Variants in NOS1 observed in about 807,000 individuals in gnomAD.
NOS1 encodes nitric oxide synthase 1, also known as NOS type I.
NOS1 carries 51 observed loss-of-function variants against 164.5 expected under a neutral mutation model. The observed-to-expected ratio is 0.31, with a 90% CI of 0.25 to 0.39. The LOEUF (loss-of-function observed/expected upper bound fraction) is 0.39, where lower values mean the gene tolerates loss of function less well. Ranked by LOEUF, NOS1 falls within the 10% of genes least tolerant of loss-of-function variation. The pLI, the probability that NOS1 is intolerant of heterozygous loss-of-function variation, is 1.00. For synonymous variants in NOS1, 719 were observed against 745.8 expected, an observed-to-expected ratio of 0.96 and a Z score of 0.59; for missense variants, 1,362 against 1,885.6, an observed-to-expected ratio of 0.72 and a Z score of 5.14.
At chr12:117,329,508 G>C (rs1462026338) in intron 2 of NOS1, among the ~76,000 whole-genome samples, 2 of 152,084 alleles carry the variant, frequency 1.3e-5, no homozygotes, top group Non-Finnish European at 2.9e-5. Flanking sequence ...TGTAACGTCA[G>C]TGCCAGACCT....
chr12:117,339,475 C>A (rs539626843), intron 1 of NOS1, among the ~76,000 whole-genome samples: 7 of 152,342 alleles, frequency 4.6e-5, no homozygotes, highest in African/African-American at 9.6e-5. Flanking sequence ...CAATATCTAC[C>A]TCCAAATTTA....
At chr12:117,322,171 TTTCC>T (rs1304167617) in intron 2 of NOS1, among the ~76,000 whole-genome samples, 2 of 107,492 alleles carry the variant, frequency 1.9e-5, no homozygotes. Flanking sequence ...CTTCCTTCTT[TTTCC>T]TTCCTTCTCT....
chr12:117,298,374 C>A (rs1389452884), intron 3 of NOS1, among the ~76,000 whole-genome samples: 1 of 152,140 alleles, frequency 6.6e-6, no homozygotes, highest in African/African-American at 2.4e-5. Context: ...ACAGATGAAG[C>A]TTCACTTGCT....
chr12:117,236,952 G>T lies in NOS1; in HGVS notation c.3042-2194C>A, dbSNP rs544196453. Among the ~76,000 whole-genome samples, 6 of 152,158 alleles carry T rather than the reference G, an allele frequency of 3.9e-5. No individual in the cohort carries two copies. The East Asian group carries it at 7.7e-4, about 20-fold the overall frequency. ...GGCCCAGGCTCTGGCCCTGCTGGGA[G>T]TTTAACCAAGGGGACTGACTCTGCA... On this transcript the variant is annotated intron_variant, in intron 20 of 28. Coordinates refer to ENST00000317775, the MANE Select transcript of NOS1 (RefSeq NM_000620.5).
intron 1 of NOS1, among the ~76,000 whole-genome samples, chr12:117,358,974 C>T (rs937637414): frequency 3.3e-5 from 5 of 152,228 alleles, no homozygotes; most frequent in African/African-American, 4.8e-5. Flanking sequence ...GTTGAGGTCT[C>T]GGGTAGTGCC....
chr12:117,328,779 G>T (rs984131159), intron 2 of NOS1, among the ~76,000 whole-genome samples: 1 of 152,130 alleles, frequency 6.6e-6, no homozygotes, highest in Admixed American at 6.5e-5. Context: ...CCTAACAGAC[G>T]GTCATGCATC....
rs1466057433 is a variant in NOS1 at position 117,213,509 on chromosome 12, G to A, written c.*1800C>T. 4 of 985,360 alleles carry A rather than the reference G, an allele frequency of 4.1e-6. No homozygotes were observed. Among genetic ancestry groups the A allele is most frequent in the African/African-American group, 3.5e-5 (2 of 57,240 alleles). 61.0% of individuals were successfully genotyped at this position (985,360 alleles called of 1,614,324 possible). On this transcript the variant is annotated 3_prime_UTR_variant, in exon 29 of 29. Transcript: ENST00000317775. ...AACAGGACACCGGTGGGGGCTGCCA[G>A]GGATGGCAGAGCAAGGTGAGTCATA...
chr12:117,208,530 C>T lies in NOS1; in HGVS notation c.*6779G>A, dbSNP rs2135904908. 8.2e-7 allele frequency: 1 copy of T among 1,222,550 alleles called. No individual in the cohort carries two copies. The highest frequency in any genetic ancestry group is 1.4e-5 in the South Asian group (1 of 70,426). The allele number at this position is 1,222,550 out of a possible 1,614,324, so 75.7% of individuals were successfully genotyped here. A position where few individuals can be genotyped will look rare whatever the true frequency, so the allele number is the denominator to read the frequency against. On this transcript the variant is annotated 3_prime_UTR_variant, in exon 29 of 29. Coordinates refer to ENST00000317775, the MANE Select transcript of NOS1 (RefSeq NM_000620.5). ...CTTTGGGCCTTCTGGAAAACCACTG[C>T]TGAGCCAGGAGTGTGAGTCTTAACA...
rs927058656 is a variant in NOS1, at chr12:117,210,868, C to T, written c.*4441G>A. The T allele has an allele frequency of 3.8e-5, 37 of 985,228 alleles. No individual in the cohort carries two copies. The highest frequency in any genetic ancestry group is 4.5e-5 in the Non-Finnish European group (37 of 829,866). The allele number at this position is 985,228 out of a possible 1,614,324, so 61.0% of individuals were successfully genotyped here. On this transcript the variant is annotated 3_prime_UTR_variant, in exon 29 of 29. Coordinates refer to ENST00000317775, the MANE Select transcript of NOS1 (RefSeq NM_000620.5). ...TTGACTCCAGAGAAGCTGACTATCACATCAGCTCTGAAAACTCATCTTTTC... is the reference window on the plus strand; with the variant it reads ...TTGACTCCAGAGAAGCTGACTATCATATCAGCTCTGAAAACTCATCTTTTC...
intron 21 of NOS1, among the ~76,000 whole-genome samples, chr12:117,233,369 T>A (rs1386155313): frequency 6.6e-6 from 1 of 151,784 alleles, no homozygotes. Flanking sequence ...CTAATTTTTG[T>A]ATTTTTTTTG....
chr12:117,322,177 T>A (rs1451185229), intron 2 of NOS1, among the ~76,000 whole-genome samples: 1 of 121,014 alleles, frequency 8.3e-6, no homozygotes. Context: ...TCTTTTTCCT[T>A]CCTTCTCTCC....
chr12:117,233,013 G>A (rs1869384607), intron 21 of NOS1, among the ~76,000 whole-genome samples: 1 of 148,032 alleles, frequency 6.8e-6, no homozygotes, highest in African/African-American at 2.5e-5. Context: ...GACTACAGAC[G>A]TGTGCCATCA....
At chr12:117,274,436 C>T (rs201853756) in intron 9 of NOS1, among the ~76,000 whole-genome samples, 9 of 152,028 alleles carry the variant, frequency 5.9e-5, no homozygotes, top group African/African-American at 1.2e-4. Flanking sequence ...AGAACTACCA[C>T]GAGATCCAGC....
Position 117,227,446 on chromosome 12 carries a change from A to C in NOS1, c.3601T>G (p.Ser1201Ala). Reference sequence around the variant, plus strand: ...CTCCGCCCACCTCGAGTGCGGTAGGAAACGATGGCCACAGTGAGGTGCACT... The same window carrying C: ...CTCCGCCCACCTCGAGTGCGGTAGGCAACGATGGCCACAGTGAGGTGCACT... ...DEVHLTVAIV[S>A]YRTRDGEGPI... is the part of the protein sequence containing the mutation. Residue 1201 changes from serine to alanine, a missense_variant, in exon 23 of 29, where the codon TCC (serine) becomes GCC (alanine). Physicochemically the swap from Ser to Ala is moderately conservative, Grantham distance 99 (BLOSUM62 1). Around this residue, in one of 4 missense-constraint regions of NOS1, gnomAD observed 737 missense variants for 1,030.3 expected, o/e 0.72. Transcript: ENST00000317775. 1 of 1,613,908 alleles carries C rather than the reference A, an allele frequency of 6.2e-7. No homozygotes were observed. Among genetic ancestry groups the C allele is most frequent in the Non-Finnish European group, 8.5e-7 (1 of 1,180,002 alleles).
intron 1 of NOS1, among the ~76,000 whole-genome samples, chr12:117,350,112 C>G (rs186170617): frequency 6.6e-6 from 1 of 152,242 alleles, no homozygotes; most frequent in Admixed American, 6.5e-5. Context: ...TCATTTCCAC[C>G]AAGAAAGTTT....
intron 1 of NOS1, among the ~76,000 whole-genome samples, chr12:117,351,315 G>A (rs1164324980): frequency 1.3e-5 from 2 of 151,926 alleles, no homozygotes; most frequent in African/African-American, 4.8e-5. Context: ...CCTTCCCTTC[G>A]CCAGCACCCC....
At chr12:117,290,259 G>A (rs761226609) in intron 4 of NOS1, 39 bp downstream of exon 4, 5 of 1,607,804 alleles carry the variant, frequency 3.1e-6, no homozygotes, top group Non-Finnish European at 4.2e-6. Context: ...TAGTGATGAA[G>A]CTGCCACCCT....
At chr12:117,266,699 C>A (rs142010211) in intron 11 of NOS1, among the ~76,000 whole-genome samples, 1 of 151,818 alleles carries the variant, frequency 6.6e-6, no homozygotes, top group Admixed American at 6.6e-5. Flanking sequence ...CACTACTGCC[C>A]GGCTAATTTT....
chr12:117,262,484 A>AGGG (rs751719964), intron 13 of NOS1, among the ~76,000 whole-genome samples: 1 of 53,152 alleles, frequency 1.9e-5, no homozygotes, highest in African/African-American at 1.3e-4. Flanking sequence ...AGAAAGGGGG[A>AGGG]GGGGGAGAGA....
Sources: allele counts gnomAD v4.1 joint callset (sites outside exome capture counted in the v4.1 genomes callset), GRCh38; gene constraint gnomAD v4.1.1; regional missense constraint gnomAD v4.1.1; transcripts MANE v1.5; gene names NCBI Gene and HGNC (gene_info 2026-07-23, HGNC 2026-07-21).